The following AGBL4 variants were observed in gnomAD, a reference collection of about 807,000 sequenced individuals.
AGBL4 encodes AGBL carboxypeptidase 4.
In AGBL4, 58 loss-of-function variants were observed where a neutral mutation model predicts 66.4. The observed-to-expected ratio is 0.87, with a 90% CI of 0.71 to 1.09. The LOEUF is 1.09. AGBL4 is among the 50% of genes least tolerant of loss of function. The pLI is 0.00. For missense variants in AGBL4, 579 were observed against 631.0 expected (o/e 0.92, Z 0.88); for synonymous variants, 234 against 222.9 (o/e 1.05, Z -0.44).
chr1:49,180,098 T>C (rs983775224), intron 4 of AGBL4, among the ~76,000 whole-genome samples: 6 of 151,932 alleles, frequency 3.9e-5, no homozygotes, highest in Non-Finnish European at 5.9e-5. Context: ...ACGAGGTTTC[T>C]CCATGTTGAG....
intron 3 of AGBL4, among the ~76,000 whole-genome samples, chr1:49,551,397 T>C (rs1242294942): frequency 6.6e-6 from 1 of 152,164 alleles, no homozygotes; most frequent in Non-Finnish European, 1.5e-5. Context: ...CCAGAGTTGG[T>C]TTTCTGGTTC....
intron 3 of AGBL4, among the ~76,000 whole-genome samples, chr1:49,312,552 G>T (rs1455127343): frequency 6.6e-6 from 1 of 151,870 alleles, no homozygotes; most frequent in African/African-American, 2.4e-5. Flanking sequence ...TCACAGACTG[G>T]GAAAAAATAT....
At chr1:48,569,606 G>C (rs552283838) in intron 11 of AGBL4, among the ~76,000 whole-genome samples, 97 of 152,294 alleles carry the variant, frequency 6.4e-4, no homozygotes, top group African/African-American at 2.3e-3. Context: ...ACAAATTGAT[G>C]GGTCACTGGT....
chr1:49,324,638 CA>C (rs1321202024), intron 3 of AGBL4, among the ~76,000 whole-genome samples: 1 of 152,186 alleles, frequency 6.6e-6, no homozygotes, highest in Non-Finnish European at 1.5e-5. Context: ...TGACCTTCAG[CA>C]GCATAGAACC....
intron 3 of AGBL4, among the ~76,000 whole-genome samples, chr1:49,335,766 T>C (rs1405622103): frequency 2.6e-5 from 4 of 152,214 alleles, no homozygotes; most frequent in Non-Finnish European, 5.9e-5. Context: ...CCGCCCACCT[T>C]GGCCCCCCAA....
At chr1:49,522,221 T>C (rs1237611341) in intron 3 of AGBL4, among the ~76,000 whole-genome samples, 1 of 152,094 alleles carries the variant, frequency 6.6e-6, no homozygotes, top group African/African-American at 2.4e-5. Flanking sequence ...GATCCACCAT[T>C]TACTATCTGT....
chr1:49,242,080 C>G (rs1253141698), intron 4 of AGBL4, among the ~76,000 whole-genome samples: 1 of 151,866 alleles, frequency 6.6e-6, no homozygotes, highest in Admixed American at 6.6e-5. Context: ...TTCTCTAATC[C>G]CACTGCATGC....
At chr1:49,777,508 T>C (rs1250432035) in intron 2 of AGBL4, among the ~76,000 whole-genome samples, 1 of 152,186 alleles carries the variant, frequency 6.6e-6, no homozygotes, top group Non-Finnish European at 1.5e-5. Flanking sequence ...GTCAGTGGCA[T>C]ACAACTAAAA....
chr1:49,792,436 T>C (rs1223278211), intron 2 of AGBL4, among the ~76,000 whole-genome samples: 1 of 151,988 alleles, frequency 6.6e-6, no homozygotes, highest in Non-Finnish European at 1.5e-5. Flanking sequence ...AGCAGAAGTA[T>C]ATATAAACTT....
intron 1 of AGBL4, among the ~76,000 whole-genome samples, chr1:49,913,506 C>A (rs1242369334): frequency 6.6e-6 from 1 of 152,230 alleles, no homozygotes; most frequent in Non-Finnish European, 1.5e-5. Context: ...TGGGCTCAGC[C>A]CACACGTCAG....
intron 6 of AGBL4, among the ~76,000 whole-genome samples, chr1:48,847,365 AG>A (rs1219389660): frequency 6.7e-6 from 1 of 149,890 alleles, no homozygotes; most frequent in Non-Finnish European, 1.5e-5. Flanking sequence ...GCTGAAACCA[AG>A]GTCAAAGAAG....
the AGBL4 span, among the ~76,000 whole-genome samples, chr1:48,523,636 T>G: frequency 6.6e-6 from 1 of 152,212 alleles, no homozygotes; most frequent in African/African-American, 2.4e-5. Flanking sequence ...GCAAACAGGC[T>G]TAATGTTTGA....
chr1:49,784,594 A>G (rs1644409127), intron 2 of AGBL4, among the ~76,000 whole-genome samples: 1 of 152,066 alleles, frequency 6.6e-6, no homozygotes. Flanking sequence ...GGATCAGGCA[A>G]TAATTTTTCA....
At chr1:50,015,637 C>T (rs528558667) in intron 1 of AGBL4, among the ~76,000 whole-genome samples, 9 of 152,226 alleles carry the variant, frequency 5.9e-5, no homozygotes, top group Admixed American at 5.9e-4. Flanking sequence ...GCCTGAATGA[C>T]AGTGCAAGAC....
chr1:49,581,703 C>T (rs970085444), intron 3 of AGBL4, among the ~76,000 whole-genome samples: 1 of 152,120 alleles, frequency 6.6e-6, no homozygotes, highest in South Asian at 2.1e-4. Context: ...GCCAGATGGA[C>T]CCTTCAGGTT....
At position 49,298,158 on chromosome 1, in the gene AGBL4, C is replaced by A. The variant is rs531942340; in HGVS notation, c.283-52294G>T. Among the ~76,000 whole-genome samples the A allele has an allele frequency of 8.5e-5, 13 of 152,272 alleles. No homozygotes were observed. The South Asian group carries it at 1.9e-3, about 22-fold the overall frequency. Reference sequence around the variant, plus strand: ...ACTTCCTTGCCCTGTCAGAAGAAGTCGACCCAGGCCAGGGACAACTTTGCT... The same window carrying A: ...ACTTCCTTGCCCTGTCAGAAGAAGTAGACCCAGGCCAGGGACAACTTTGCT... On this transcript the variant is annotated intron_variant, in intron 3 of 13. Coordinates refer to ENST00000371839, the MANE Select transcript of AGBL4 (RefSeq NM_032785.4).
intron 5 of AGBL4, among the ~76,000 whole-genome samples, chr1:48,917,723 GA>G (rs374542664): frequency 1.3e-5 from 2 of 152,310 alleles, no homozygotes; most frequent in African/African-American, 4.8e-5. Flanking sequence ...TTTTGTATAT[GA>G]AAAAATTGGG....
chr1:49,108,590 G>C (rs1052609078), intron 4 of AGBL4, among the ~76,000 whole-genome samples: 1 of 152,170 alleles, frequency 6.6e-6, no homozygotes, highest in Non-Finnish European at 1.5e-5. Flanking sequence ...ACTGCCATCA[G>C]AGTGAGCAAA....
intron 1 of AGBL4, among the ~76,000 whole-genome samples, chr1:49,999,768 A>G (rs12144147): frequency 3.9e-5 from 6 of 152,196 alleles, no homozygotes; most frequent in Admixed American, 3.3e-4. Flanking sequence ...AAATAAATCC[A>G]TATACATATA....
Sources: allele counts gnomAD v4.1 joint callset (sites outside exome capture counted in the v4.1 genomes callset), GRCh38; gene constraint gnomAD v4.1.1; transcripts MANE v1.5; gene names NCBI Gene and HGNC (gene_info 2026-07-23, HGNC 2026-07-21).